The following ADD3 variants were observed in gnomAD, a reference collection of about 807,000 sequenced individuals.
ADD3 encodes the protein adducin 3, also known as gamma-adducin.
In ADD3, 25 loss-of-function variants were observed where a neutral mutation model predicts 80.2. That is an observed-to-expected ratio of 0.31 (90% CI 0.23 to 0.44). ADD3 has a LOEUF of 0.44. Among genes scored for constraint, ADD3 ranks in the 20% least tolerant of loss-of-function variants. The pLI is 1.00. For synonymous variants in ADD3, 284 were observed against 289.6 expected, an observed-to-expected ratio of 0.98 and a Z score of 0.20; for missense variants, 829 against 847.5, an observed-to-expected ratio of 0.98 and a Z score of 0.27.
At chr10:110,122,379 A>T (rs1388248632) in intron 9 of ADD3, 87 bp downstream of exon 9, 3 of 1,215,060 alleles carry the variant, frequency 2.5e-6, no homozygotes, top group Non-Finnish European at 3.5e-6. Flanking sequence ...CATGCTCCAT[A>T]CTCTTCCAGA....
At chr10:110,038,709 A>G (rs1168642403) in intron 1 of ADD3, among the ~76,000 whole-genome samples, 3 of 152,238 alleles carry the variant, frequency 2.0e-5, no homozygotes, top group African/African-American at 7.2e-5. Context: ...CAAAGAATTT[A>G]CCTACAGAGT....
chr10:110,050,506 CT>C (rs59897959), intron 1 of ADD3, among the ~76,000 whole-genome samples: 1,959 of 129,380 alleles, frequency 0.015, 45 homozygotes, highest in African/African-American at 0.032. Context: ...CATTAAACCT[CT>C]TTTTTTTTTT....
chr10:110,131,931 G>A (rs1183433241), intron 13 of ADD3, among the ~76,000 whole-genome samples: 2 of 152,192 alleles, frequency 1.3e-5, no homozygotes, highest in East Asian at 3.8e-4. Flanking sequence ...ATTCTGTGAA[G>A]CATTCTGCCT....
chr10:110,104,480 A>G (rs766575119), intron 2 of ADD3, among the ~76,000 whole-genome samples: 16 of 152,220 alleles, frequency 1.1e-4, no homozygotes, highest in Non-Finnish European at 2.2e-4. Flanking sequence ...TTTCAGCCCA[A>G]GCTTACAGTG....
intron 1 of ADD3, among the ~76,000 whole-genome samples, chr10:110,048,385 A>C (rs1005018871): frequency 1.3e-5 from 2 of 152,244 alleles, no homozygotes; most frequent in African/African-American, 4.8e-5. Flanking sequence ...AAAATGTGGA[A>C]GCTCCTTTGG....
In ADD3 at chr10:110,116,242, A is replaced by G. The variant is rs753270191; in HGVS notation, c.335-17A>G. ...TTGCATGACTCGTATCTCTCTCCACATTTTTTGCTCTTTTAGGTCTTGGCA... is the reference window on the plus strand; with the variant it reads ...TTGCATGACTCGTATCTCTCTCCACGTTTTTTGCTCTTTTAGGTCTTGGCA... On this transcript the variant is annotated splice_polypyrimidine_tract_variant and intron_variant, in intron 3 of 14. Coordinates refer to ENST00000356080, the MANE Select transcript of ADD3 (RefSeq NM_016824.5). 14 of 1,612,508 alleles carry G rather than the reference A, an allele frequency of 8.7e-6. 1 individual carries two copies. Among genetic ancestry groups the G allele is most frequent in the South Asian group, 5.5e-5 (5 of 90,806 alleles).
intron 12 of ADD3, among the ~76,000 whole-genome samples, chr10:110,129,688 C>T (rs888811519): frequency 3.9e-5 from 6 of 152,144 alleles, no homozygotes; most frequent in Non-Finnish European, 8.8e-5. Context: ...TCCTTTTTTT[C>T]AGGACTGAGG....
chr10:110,058,851 T>G (rs1858529161), intron 1 of ADD3, among the ~76,000 whole-genome samples: 1 of 152,196 alleles, frequency 6.6e-6, no homozygotes, highest in Non-Finnish European at 1.5e-5. Flanking sequence ...CATTCTAAAG[T>G]GGAACTGTAG....
At chr10:110,037,604 C>CAA (rs998064830) in intron 1 of ADD3, among the ~76,000 whole-genome samples, 18 of 51,032 alleles carry the variant, frequency 3.5e-4, no homozygotes, top group South Asian at 6.8e-4. Context: ...GACTCAGTCT[C>CAA]AAAAAAAAAA....
chr10:110,065,234 T>A (rs1429308836), intron 1 of ADD3, among the ~76,000 whole-genome samples: 2 of 152,160 alleles, frequency 1.3e-5, no homozygotes. Context: ...TTGTTAGATA[T>A]ACAATTCCTA....
At chr10:110,129,012 C>A (rs1852568498) in intron 12 of ADD3, among the ~76,000 whole-genome samples, 1 of 152,154 alleles carries the variant, frequency 6.6e-6, no homozygotes, top group African/African-American at 2.4e-5. Context: ...AAACATTATT[C>A]TCTGTAATTC....
At chr10:110,009,312 ATT>A (rs2132932152) in intron 1 of ADD3, among the ~76,000 whole-genome samples, 1 of 152,276 alleles carries the variant, frequency 6.6e-6, no homozygotes, top group African/African-American at 2.4e-5. Context: ...ATTATGTAGC[ATT>A]TTAGATTTAG....
At chr10:110,046,898 A>G (rs959954331) in intron 1 of ADD3, among the ~76,000 whole-genome samples, 1 of 126,814 alleles carries the variant, frequency 7.9e-6, no homozygotes, top group African/African-American at 2.4e-5. Flanking sequence ...ATCCAGGATA[A>G]TTTTGTCCTT....
At position 110,134,763 on chromosome 10, in the gene ADD3, G is replaced by A. The variant is rs557675470; in HGVS notation, c.*1145G>A. 6.6e-6 allele frequency: 1 copy of A among 152,668 alleles called. No homozygotes were observed. Among genetic ancestry groups the A allele is most frequent in the East Asian group, 1.9e-4 (1 of 5,188 alleles). 9.5% of individuals were successfully genotyped at this position (152,668 alleles called of 1,614,324 possible). A position where few individuals can be genotyped will look rare whatever the true frequency, so the allele number is the denominator to read the frequency against. On this transcript the variant is annotated 3_prime_UTR_variant, in exon 15 of 15. Transcript: ENST00000356080. ...CTAAAATTCTGCTTCTCTGCCAAAA[G>A]CAATGTCTTTCTTGGTTGATATTTG...
intron 1 of ADD3, among the ~76,000 whole-genome samples, chr10:110,034,933 T>C (rs570439506): frequency 1.1e-4 from 16 of 152,350 alleles, no homozygotes; most frequent in African/African-American, 3.6e-4. Flanking sequence ...TAACCAGCCA[T>C]GTTTCAGGTT....
At chr10:110,082,509 C>T (rs7899873) in intron 1 of ADD3, among the ~76,000 whole-genome samples, 13 of 152,140 alleles carry the variant, frequency 8.5e-5, no homozygotes, top group African/African-American at 1.9e-4. Context: ...AACTGTCTTA[C>T]GAGATAGCTT....
intron 1 of ADD3, among the ~76,000 whole-genome samples, chr10:110,050,870 A>G (rs545120539): frequency 6.6e-6 from 1 of 152,280 alleles, no homozygotes; most frequent in East Asian, 1.9e-4. Context: ...TAATACATCA[A>G]GCCATATTAT....
At chr10:110,070,486 A>C (rs1844534115) in intron 1 of ADD3, among the ~76,000 whole-genome samples, 1 of 152,226 alleles carries the variant, frequency 6.6e-6, no homozygotes, top group African/African-American at 2.4e-5. Context: ...TTATGTGATC[A>C]GTACTGCTGT....
At position 110,116,228 on chromosome 10, in the gene ADD3, G is replaced by A. The variant is rs761880246; in HGVS notation, c.335-31G>A. The A allele has an allele frequency of 1.1e-5, 18 of 1,610,578 alleles. 1 individual carries two copies. The highest frequency in any genetic ancestry group is 5.5e-5 in the South Asian group (5 of 90,484). ...TTCCAGGTAAGGGATTGCATGACTC[G>A]TATCTCTCTCCACATTTTTTGCTCT... is the stretch of plus-strand genomic sequence containing the variant. On this transcript the variant is annotated intron_variant, in intron 3 of 14. Transcript: ENST00000356080.
Sources: gnomAD v4.1 joint callset for allele counts (sites outside exome capture counted in the v4.1 genomes callset) on GRCh38, gnomAD v4.1.1 for gene constraint, MANE v1.5 for transcripts, NCBI Gene and HGNC (gene_info 2026-07-23, HGNC 2026-07-21) for gene names.